Variants in GAL3ST4 observed in about 807,000 individuals in gnomAD.
GAL3ST4 encodes the protein galactose-3-O-sulfotransferase 4, also known as beta-galactose-3-O-sulfotransferase 4.
A neutral mutation model predicts 31.6 loss-of-function variants in GAL3ST4; 30 were observed. The observed-to-expected ratio is 0.95, with a 90% confidence interval of 0.71 to 1.29. GAL3ST4 has a LOEUF of 1.29. Ranked by LOEUF, GAL3ST4 falls within the 50% of genes most tolerant of loss-of-function variation. GAL3ST4 has a pLI of 0.00. For missense variants in GAL3ST4, 629 were observed against 625.2 expected (o/e 1.01, Z -0.06); for synonymous variants, 248 against 256.9 (o/e 0.97, Z 0.33).
intron 1 of GAL3ST4, chr7:100,167,853 A>G: frequency 6.6e-6 from 1 of 152,110 alleles, no homozygotes; most frequent in Non-Finnish European, 1.5e-5. Flanking sequence ...CACGGGGCAG[A>G]CCCCCATGTA....
intron 3 of GAL3ST4, among the ~76,000 whole-genome samples, 200 bp from the exon 4 acceptor site, chr7:100,161,159 GA>G (rs1798998991): frequency 6.6e-6 from 1 of 152,160 alleles, no homozygotes; most frequent in South Asian, 2.1e-4. Context: ...TGCAAATGGG[GA>G]TAATCATACT....
Position 100,160,774 on chromosome 7 carries a change from G to A in GAL3ST4, c.615C>T (p.Tyr205=), listed in dbSNP as rs374453623. The A allele has an allele frequency of 3.8e-5, 61 of 1,614,070 alleles. No individual in the cohort carries two copies. The African/African-American group carries it at 4.4e-4, about 12-fold the overall frequency. ...AGTCAAACCATAGTAAGTTGCGAGC[G>A]TAGTGGTCCCCACGGGCCCCAGGCC... ...FYRPGARGDH[Y]ARNLLWFDFG... is the part of the protein sequence containing the mutation. The change falls in exon 4 of 4, where the codon TAC becomes TAT. Residue 205 remains tyrosine, a synonymous_variant. Transcript: ENST00000360039.
chr7:100,163,475 C>G (rs890387512), intron 3 of GAL3ST4, among the ~76,000 whole-genome samples: 4 of 133,508 alleles, frequency 3.0e-5, no homozygotes, highest in Non-Finnish European at 6.4e-5. Flanking sequence ...TGTGAACTCT[C>G]TTTTTTTTTT....
At position 100,160,340 on chromosome 7, in the gene GAL3ST4, G is replaced by T; in HGVS notation, c.1049C>A (p.Ala350Glu). ...CCGTGCAGTCAGCTGCCGGTCCTCC[G>T]CAGTCAGTCCACTGTTGCTGACAGT... is the stretch of plus-strand genomic sequence containing the variant. ...LSTVSNSGLT[A>E]EDRQLTARAR... is the part of the protein sequence containing the mutation. Residue 350 changes from alanine to glutamate, a missense_variant, in exon 4 of 4, where the codon GCG becomes GAG. By Grantham distance (107) the Ala-to-Glu change is moderately radical. Coordinates refer to ENST00000360039, the MANE Select transcript of GAL3ST4 (RefSeq NM_024637.5). The T allele has an allele frequency of 6.2e-7, 1 of 1,613,962 alleles. No homozygotes were observed. The highest frequency in any genetic ancestry group is 8.5e-7 in the Non-Finnish European group (1 of 1,180,006).
chr7:100,167,000 G>A lies in GAL3ST4; in HGVS notation c.96C>T (p.Leu32=), dbSNP rs369763152. 1.3e-6 allele frequency: 2 copies of A among 1,585,314 alleles called. No individual in the cohort carries two copies. The change falls in exon 2 of 4, where the codon CTC becomes CTT. Residue 32 remains leucine, a synonymous_variant. Coordinates refer to ENST00000360039, the MANE Select transcript of GAL3ST4 (RefSeq NM_024637.5). The part of the protein sequence containing the change: ...LGVFMTIGFA[L]QLLGGPFQRR... The stretch of plus-strand genomic sequence containing the variant: ...TCTGGAAGGGCCCTCCCAAGAGCTG[G>A]AGTGCAAAGCCAATGGTCATGAAGA...
Position 100,167,020 on chromosome 7 carries a change from T to G in GAL3ST4, c.76A>C (p.Met26Leu), listed in dbSNP as rs201362135. The part of the protein sequence containing the change: ...RSLGVALGVF[M>L]TIGFALQLLG... ...AGCTGGAGTGCAAAGCCAATGGTCA[T>G]GAAGACTCCCAGAGCCACCCCCAGG... Residue 26 changes from methionine to leucine, a missense_variant, in exon 2 of 4, where the codon ATG becomes CTG. Transcript: ENST00000360039. 4 of 1,575,550 alleles carry G rather than the reference T, an allele frequency of 2.5e-6. No homozygotes were observed. In the East Asian group the frequency reaches 6.9e-5, roughly 27 times the overall value.
intron 3 of GAL3ST4, among the ~76,000 whole-genome samples, chr7:100,165,346 T>G (rs1799055831): frequency 6.6e-6 from 1 of 152,152 alleles, no homozygotes; most frequent in Non-Finnish European, 1.5e-5. Context: ...AATTTTTGTA[T>G]TTTTAGTAGA....
Position 100,160,940 on chromosome 7 carries a change from G to C in GAL3ST4, c.449C>G (p.Ser150Cys). Residue 150 changes from serine (S) to cysteine (C), a missense_variant, in exon 4 of 4, where the codon TCT becomes TGT. Coordinates refer to ENST00000360039, the MANE Select transcript of GAL3ST4 (RefSeq NM_024637.5). ...GACAATGGAAAAAAAGAAGCTGTCA[G>C]AAGGCATGACCTGAAGTACCTGCAG... ...NLKEVLQVMP[S>C]DSFFFSIVRD... The C allele has an allele frequency of 1.2e-6, 2 of 1,600,554 alleles. No homozygotes were observed. Among genetic ancestry groups the C allele is most frequent in the Non-Finnish European group, 1.7e-6 (2 of 1,174,426 alleles).
Position 100,163,332 on chromosome 7 carries a change from G to C in GAL3ST4, c.430-2373C>G, listed in dbSNP as rs185672063. ...TAACGTGGCCCTGCAGGCTGATGCAGGTCAGAACCTAGCTCCTAGTCTCCT... is the reference window on the plus strand; with the variant it reads ...TAACGTGGCCCTGCAGGCTGATGCACGTCAGAACCTAGCTCCTAGTCTCCT... On this transcript the variant is annotated intron_variant, in intron 3 of 3. Coordinates refer to ENST00000360039, the MANE Select transcript of GAL3ST4 (RefSeq NM_024637.5). Among the ~76,000 whole-genome samples the C allele has an allele frequency of 4.1e-3, 622 of 151,976 alleles. 4 individuals carry two copies. Among genetic ancestry groups the C allele is most frequent in the Non-Finnish European group, 6.4e-3 (436 of 67,924 alleles).
In GAL3ST4 at chr7:100,160,617, C is replaced by T. The variant is rs762465559; in HGVS notation, c.772G>A (p.Ala258Thr). The T allele has an allele frequency of 6.2e-6, 10 of 1,613,632 alleles. No homozygotes were observed. In the South Asian group the frequency reaches 1.1e-4, roughly 18 times the overall value. The change falls in exon 4 of 4, where the codon GCC (alanine) becomes ACC (threonine). Residue 258 changes from alanine to threonine, a missense_variant. Coordinates refer to ENST00000360039, the MANE Select transcript of GAL3ST4 (RefSeq NM_024637.5). ...GPRAQTLNPNALIHPVSTVTD... is the reference protein window; with the variant it reads ...GPRAQTLNPNTLIHPVSTVTD... ...ACAGTGGAAACAGGATGGATGAGGG[C>T]ATTGGGATTGAGGGTTTGGGCTCGA...
chr7:100,162,658 C>T (rs1399362548), intron 3 of GAL3ST4, among the ~76,000 whole-genome samples: 3 of 113,058 alleles, frequency 2.7e-5, no homozygotes, highest in Non-Finnish European at 5.4e-5. Flanking sequence ...AGAGGAGAGG[C>T]TTGTCGGGGT....
Position 100,166,759 on chromosome 7 carries a change from G to A in GAL3ST4, c.172C>T (p.Pro58Ser), listed in dbSNP as rs1458745711. Residue 58 changes from proline to serine, a missense_variant, in exon 3 of 4, where the codon CCA (proline) becomes TCA (serine). Transcript: ENST00000360039. ...CGGGGTGGGCAGGACGGAAGGGCTG[G>A]TCGTAGGGATGGGGCCGAGGGCTGT... ...LRQPSAPSLR[P>S]ALPSCPPRQR... The A allele has an allele frequency of 6.2e-7, 1 of 1,613,386 alleles. No individual in the cohort carries two copies. The highest frequency in any genetic ancestry group is 1.1e-5 in the South Asian group (1 of 91,024).
chr7:100,159,740 GGAAA>G lies in GAL3ST4; in HGVS notation c.*184_*187del. 1.8e-6 allele frequency: 1 copy of G among 563,036 alleles called. No homozygotes were observed. The highest frequency in any genetic ancestry group is 2.5e-5 in the South Asian group (1 of 39,626). 34.9% of individuals were successfully genotyped at this position (563,036 alleles called of 1,614,324 possible). ...GTTTCAAAAAAAAAAAAAGTTGGGG[GGAAA>G]GAACAAAATGAGTGGAGGGTGGAGG... On this transcript the variant is annotated 3_prime_UTR_variant, in exon 4 of 4. Transcript: ENST00000360039.
intron 3 of GAL3ST4, among the ~76,000 whole-genome samples, chr7:100,161,783 G>T (rs1584624354): frequency 6.6e-6 from 1 of 152,124 alleles, no homozygotes; most frequent in African/African-American, 2.4e-5. Context: ...GTCCTTTGCA[G>T]GTGCATGGAT....
In GAL3ST4 at chr7:100,160,195, A is replaced by G. The variant is rs1798974455; in HGVS notation, c.1194T>C (p.Ala398=). 6.2e-7 allele frequency: 1 copy of G among 1,613,932 alleles called. No homozygotes were observed. Among genetic ancestry groups the G allele is most frequent in the Non-Finnish European group, 8.5e-7 (1 of 1,180,018 alleles). The change falls in exon 4 of 4, where the codon GCT becomes GCC. Residue 398 remains alanine, a synonymous_variant. Coordinates refer to ENST00000360039, the MANE Select transcript of GAL3ST4 (RefSeq NM_024637.5). The stretch of plus-strand genomic sequence containing the variant: ...AATGTTTCGCTAGGGCCTCTCGGCG[A>G]GCCCGGAGCTCGGCCACAGCTGTCT... ...RLQTAVAELR[A]RREALAKHCL...
In GAL3ST4 at chr7:100,168,520, T is replaced by C. The variant is rs1196238744; in HGVS notation, c.-189+26A>G. On this transcript the variant is annotated intron_variant, in intron 1 of 3. Coordinates refer to ENST00000360039, the MANE Select transcript of GAL3ST4 (RefSeq NM_024637.5). This position sits in a 1 kb window ranked among gnomAD's most constrained non-coding sequence, Gnocchi z 4.1. ...AATTAGAGGGTCCCTCCACTGGTCCTATCCTTGGTTTCACTTCCCACTCAC... is the reference window on the plus strand; with the variant it reads ...AATTAGAGGGTCCCTCCACTGGTCCCATCCTTGGTTTCACTTCCCACTCAC... The C allele has an allele frequency of 6.6e-6, 1 of 152,294 alleles. No individual in the cohort carries two copies. The highest frequency in any genetic ancestry group is 1.5e-5 in the Non-Finnish European group (1 of 68,120). 9.4% of individuals were successfully genotyped at this position (152,294 alleles called of 1,614,324 possible).
At position 100,159,930 on chromosome 7, in the gene GAL3ST4, A is replaced by T; in HGVS notation, c.1459T>A (p.Ter487LysextTer14). ...PLKTSRPLSP[*>K] ...CACCTAAATCTGTAGTCTGATGTTT[A>T]TGGGGAGAGTGGCCTTGAAGTCTTG... The change falls in exon 4 of 4, where the codon TAA (stop) becomes AAA (lysine). Residue 487 changes from the stop codon to lysine, a stop_lost. Transcript: ENST00000360039. 1 of 1,598,044 alleles carries T rather than the reference A, an allele frequency of 6.3e-7. No homozygotes were observed. Among genetic ancestry groups the T allele is most frequent in the South Asian group, 1.1e-5 (1 of 88,716 alleles).
At position 100,160,007 on chromosome 7, in the gene GAL3ST4, T is replaced by A; in HGVS notation, c.1382A>T (p.Tyr461Phe). Residue 461 changes from tyrosine (Y) to phenylalanine (F), a missense_variant, in exon 4 of 4, where the codon TAC (tyrosine) becomes TTC (phenylalanine). Tyr to Phe is a conservative substitution (Grantham distance 22). Coordinates refer to ENST00000360039, the MANE Select transcript of GAL3ST4 (RefSeq NM_024637.5). ...CERLATPELQ[Y>F]KDKLDAKQFP... ...CTGCTTGGCATCCAGCTTGTCCTTG[T>A]ACTGGAGCTCAGGGGTAGCTAGGCG... The A allele has an allele frequency of 6.2e-7, 1 of 1,614,082 alleles. No homozygotes were observed. The highest frequency in any genetic ancestry group is 8.5e-7 in the Non-Finnish European group (1 of 1,179,994).
At chr7:100,166,383 T>G (rs1273533527) in intron 3 of GAL3ST4, 119 bp downstream of exon 3, 9 of 1,080,704 alleles carry the variant, frequency 8.3e-6, no homozygotes, top group African/African-American at 4.7e-5. Context: ...GTGGCCCCTA[T>G]GTCCAACTTT....
Sources: allele counts gnomAD v4.1 joint callset (sites outside exome capture counted in the v4.1 genomes callset), GRCh38; gene constraint gnomAD v4.1.1; non-coding constraint Gnocchi (gnomAD v3.1); transcripts MANE v1.5; gene names NCBI Gene and HGNC (gene_info 2026-07-23, HGNC 2026-07-21).